Variants in CHAF1A observed in about 807,000 individuals in gnomAD.
CHAF1A encodes the protein chromatin assembly factor 1 subunit A, also known as CAF-1 subunit A.
CHAF1A carries 5 observed loss-of-function variants against 93.2 expected under a neutral mutation model. The observed-to-expected ratio is 0.05, with a 90% CI of 0.03 to 0.11. The LOEUF is 0.11. Among genes scored for constraint, CHAF1A ranks in the 10% least tolerant of loss-of-function variants. The probability of loss-of-function intolerance (pLI) is 1.00; values close to 1 mark genes in which losing one functional copy is unlikely to be tolerated. For synonymous variants in CHAF1A, 504 were observed against 510.3 expected, an observed-to-expected ratio of 0.99 and a Z score of 0.17; for missense variants, 1,102 against 1,259.9, an observed-to-expected ratio of 0.87 and a Z score of 1.90.
intron 3 of CHAF1A, among the ~76,000 whole-genome samples, chr19:4,410,225 G>T (rs1295856231): frequency 6.6e-6 from 1 of 151,996 alleles, no homozygotes; most frequent in African/African-American, 2.4e-5. Context: ...ATTCTGTAGG[G>T]TCAGCACAGC....
chr19:4,413,403 C>T (rs968008719), intron 3 of CHAF1A, among the ~76,000 whole-genome samples: 14 of 152,124 alleles, frequency 9.2e-5, no homozygotes, highest in African/African-American at 1.9e-4. Context: ...CTTTCCTTGC[C>T]GTGACGTCCA....
chr19:4,445,340 G>A, downstream of CHAF1A: 1 of 1,287,314 alleles, frequency 7.8e-7, no homozygotes, highest in South Asian at 1.4e-5. Context: ...CTCTGCCACG[G>A]GGCCCAATTC....
Position 4,429,588 on chromosome 19 carries a change from C to T in CHAF1A, c.1755C>T (p.Asp585=), listed in dbSNP as rs1181480353. The T allele has an allele frequency of 6.2e-7, 1 of 1,613,976 alleles. No individual in the cohort carries two copies. The highest frequency in any genetic ancestry group is 1.1e-5 in the South Asian group (1 of 91,088). Residue 585 remains aspartate (D), a synonymous_variant, in exon 9 of 15, where the codon GAC becomes GAT. Transcript: ENST00000301280. ...AGACGGCACTCATCCGCGCGCGAGA[C>T]CCCTGGGCCCAGGACACGGTGAGCT... ...NKKTALIRAR[D]PWAQDTKLLD...
chr19:4,449,847 C>G (rs973336960), downstream of CHAF1A: 3 of 152,074 alleles, frequency 2.0e-5, no homozygotes, highest in Admixed American at 1.3e-4. Flanking sequence ...TACATCAGCT[C>G]CATCCCACCA....
intron 2 of CHAF1A, among the ~76,000 whole-genome samples, chr19:4,407,198 A>G (rs1438841472): frequency 1.3e-5 from 2 of 151,836 alleles, no homozygotes; most frequent in African/African-American, 2.4e-5. Context: ...CAGCCTGGTG[A>G]CAGAGCAAGA....
chr19:4,445,693 C>T, downstream of CHAF1A: 2 of 1,572,444 alleles, frequency 1.3e-6, no homozygotes, highest in Non-Finnish European at 1.7e-6. Flanking sequence ...ACTCAGCGGG[C>T]AACCTGGGCG....
At chr19:4,410,566 A>G (rs1009563738) in intron 3 of CHAF1A, among the ~76,000 whole-genome samples, 1 of 151,966 alleles carries the variant, frequency 6.6e-6, no homozygotes. Context: ...TTTTTAGTAG[A>G]GACAGGGTTT....
intron 13 of CHAF1A, among the ~76,000 whole-genome samples, chr19:4,436,881 C>T (rs974326060): frequency 1.3e-5 from 2 of 152,182 alleles, no homozygotes; most frequent in Non-Finnish European, 2.9e-5. Flanking sequence ...GCCCTGAGCC[C>T]CATGTGCCCA....
downstream of CHAF1A, chr19:4,444,458 G>A (rs1454296496): frequency 2.0e-5 from 3 of 152,262 alleles, no homozygotes; most frequent in Non-Finnish European, 4.4e-5. Flanking sequence ...TCAAGCTGTG[G>A]GCAGGACCAG....
At position 4,435,389 on chromosome 19, in the gene CHAF1A, T is replaced by C. The variant is rs537636227; in HGVS notation, c.2673+1850T>C. On this transcript the variant is annotated intron_variant, in intron 13 of 14. Transcript: ENST00000301280. ...CACCACGCCTGTCCTGGCCTTTTTT[T>C]GAGTCAGGGGTCTTACTCTGTTGCC... is the stretch of plus-strand genomic sequence containing the variant. Among the ~76,000 whole-genome samples the C allele has an allele frequency of 7.9e-4, 120 of 152,190 alleles. 2 individuals are homozygous for C. The highest frequency in any genetic ancestry group is 2.2e-3 in the African/African-American group (90 of 41,526).
chr19:4,439,590 A>AG (rs758974804), intron 13 of CHAF1A, among the ~76,000 whole-genome samples: 3 of 152,210 alleles, frequency 2.0e-5, no homozygotes, highest in Non-Finnish European at 2.9e-5. Flanking sequence ...TCCTGTGTGG[A>AG]GGGAGGGCCC....
rs189297006 is a variant in CHAF1A, at chr19:4,407,385, C to T, written c.103+1423C>T. ...GTTTCTGTGTTCCTCCTAACCAGCC[C>T]GAAGCCTGGCAGACTCTGGGAGAAC... is the stretch of plus-strand genomic sequence containing the variant. On this transcript the variant is annotated intron_variant, in intron 2 of 14. Coordinates refer to ENST00000301280, the MANE Select transcript of CHAF1A (RefSeq NM_005483.3). Among the ~76,000 whole-genome samples, 842 of 151,872 alleles carry T rather than the reference C, an allele frequency of 5.5e-3. 6 individuals are homozygous for T. The highest frequency in any genetic ancestry group is 6.3e-3 in the Non-Finnish European group (425 of 67,968).
At chr19:4,428,544 T>G in intron 7 of CHAF1A, 120 bp from the exon 8 acceptor site, 1 of 836,716 alleles carries the variant, frequency 1.2e-6, no homozygotes, top group East Asian at 2.5e-5. Flanking sequence ...TGCCTGGGCT[T>G]TTGAGTCTGT....
Position 4,409,182 on chromosome 19 carries a change from A to G in CHAF1A, c.383A>G (p.Asp128Gly). 1 of 1,614,240 alleles carries G rather than the reference A, an allele frequency of 6.2e-7. No individual in the cohort carries two copies. The highest frequency in any genetic ancestry group is 8.5e-7 in the Non-Finnish European group (1 of 1,180,052). The change falls in exon 3 of 15, where the codon GAC (aspartate) becomes GGC (glycine). Residue 128 changes from aspartate to glycine, a missense_variant. Around this residue, in one of 6 missense-constraint regions of CHAF1A, gnomAD observed 379 missense variants for 365.7 expected, o/e 1.04. Transcript: ENST00000301280. ...ACAGAGGACTCGAATGAGCAGCCAG[A>G]CAGTCTTGTGGACCACAATAAACTA... is the stretch of plus-strand genomic sequence containing the variant. ...DLTEDSNEQP[D>G]SLVDHNKLNS...
intron 7 of CHAF1A, among the ~76,000 whole-genome samples, chr19:4,424,945 A>AT (rs887988190): frequency 2.6e-5 from 4 of 151,348 alleles, no homozygotes; most frequent in Admixed American, 1.3e-4. Flanking sequence ...TAATTTTTTA[A>AT]TTTTTTTTTG....
intron 12 of CHAF1A, among the ~76,000 whole-genome samples, chr19:4,432,798 G>C (rs1196271301): frequency 6.6e-6 from 1 of 151,458 alleles, no homozygotes; most frequent in Non-Finnish European, 1.5e-5. Flanking sequence ...GAGGGACCAT[G>C]GCACACAAGG....
intron 8 of CHAF1A, 124 bp downstream of exon 8, chr19:4,429,014 C>A: frequency 1.4e-6 from 1 of 733,204 alleles, no homozygotes; most frequent in East Asian, 2.7e-5. Flanking sequence ...TGCCCTCGGG[C>A]CCTGGGCTTC....
intron 7 of CHAF1A, among the ~76,000 whole-genome samples, chr19:4,426,279 T>C (rs1444504601): frequency 6.6e-6 from 1 of 150,728 alleles, no homozygotes; most frequent in African/African-American, 2.4e-5. Context: ...ACCATTCTCC[T>C]GCCTCAGCCT....
At chr19:4,446,785 C>G (rs772332941), downstream of CHAF1A, 1 of 1,613,456 alleles carries the variant, frequency 6.2e-7, no homozygotes, top group East Asian at 2.2e-5. Context: ...GCCCTCCTGC[C>G]CCGAGGCCCC....
Sources: allele counts gnomAD v4.1 joint callset (sites outside exome capture counted in the v4.1 genomes callset), GRCh38; gene constraint gnomAD v4.1.1; regional missense constraint gnomAD v4.1.1; transcripts MANE v1.5; gene names NCBI Gene and HGNC (gene_info 2026-07-23, HGNC 2026-07-21).